The following THSD7B variants were observed in gnomAD, a reference collection of about 807,000 sequenced individuals.
THSD7B encodes the protein thrombospondin type 1 domain containing 7B.
Under a neutral mutation model 213.6 loss-of-function variants are expected in THSD7B, and 138 were observed. The observed-to-expected ratio is 0.65, with a 90% CI of 0.56 to 0.74. The LOEUF (loss-of-function observed/expected upper bound fraction) is 0.74. THSD7B is among the 30% of genes least tolerant of loss of function. The pLI is 0.00. For missense variants in THSD7B, 1,931 were observed against 1,991.5 expected, an observed-to-expected ratio of 0.97 and a Z score of 0.58; for synonymous variants, 742 against 687.0, an observed-to-expected ratio of 1.08 and a Z score of -1.25.
At chr2:137,483,439 T>A (rs1453581336) in intron 15 of THSD7B, among the ~76,000 whole-genome samples, 1 of 152,242 alleles carries the variant, frequency 6.6e-6, no homozygotes, top group Non-Finnish European at 1.5e-5. Context: ...CAGAAGCTAC[T>A]AATTCCACAT....
intron 1 of THSD7B, among the ~76,000 whole-genome samples, chr2:136,850,087 A>C (rs1374389460): frequency 6.6e-6 from 1 of 152,000 alleles, no homozygotes; most frequent in Non-Finnish European, 1.5e-5. Flanking sequence ...TGACATTTTT[A>C]AACATACCTC....
chr2:137,080,044 G>A (rs146584458), intron 3 of THSD7B, among the ~76,000 whole-genome samples: 8 of 152,240 alleles, frequency 5.3e-5, no homozygotes, highest in Non-Finnish European at 1.0e-4. Flanking sequence ...GTTTCACCAT[G>A]TTGGCCAGGC....
chr2:137,130,341 T>C (rs891689000), intron 5 of THSD7B, among the ~76,000 whole-genome samples: 1 of 152,160 alleles, frequency 6.6e-6, no homozygotes, highest in Non-Finnish European at 1.5e-5. Context: ...ATCTCCATAG[T>C]TACTAAAATC....
At chr2:137,592,735 G>A (rs1681888627) in intron 17 of THSD7B, among the ~76,000 whole-genome samples, 1 of 151,822 alleles carries the variant, frequency 6.6e-6, no homozygotes, top group South Asian at 2.1e-4. Context: ...ATGTGAAAAT[G>A]CATAGATCTC....
chr2:136,921,280 C>G, intron 2 of THSD7B, among the ~76,000 whole-genome samples: 1 of 150,780 alleles, frequency 6.6e-6, no homozygotes, highest in Admixed American at 6.6e-5. Context: ...TGTAAGCCTA[C>G]TTCTGCTTAG....
intron 13 of THSD7B, among the ~76,000 whole-genome samples, chr2:137,408,510 G>GAT (rs900708860): frequency 6.6e-6 from 1 of 152,180 alleles, no homozygotes; most frequent in Non-Finnish European, 1.5e-5. Context: ...TTTTACTGGA[G>GAT]ATAATTACAG....
chr2:137,468,894 G>A (rs1206038783), intron 15 of THSD7B, among the ~76,000 whole-genome samples: 1 of 152,074 alleles, frequency 6.6e-6, no homozygotes, highest in African/African-American at 2.4e-5. Flanking sequence ...GTTTGATTCA[G>A]TCCTTTTAAT....
chr2:137,564,678 AAAAG>A (rs1296364719), intron 16 of THSD7B, among the ~76,000 whole-genome samples: 1 of 152,178 alleles, frequency 6.6e-6, no homozygotes, highest in East Asian at 1.9e-4. Flanking sequence ...TCTCAGGAGA[AAAAG>A]AAAAGCTTTA....
intron 15 of THSD7B, among the ~76,000 whole-genome samples, chr2:137,488,297 C>A (rs1322515887): frequency 6.6e-6 from 1 of 152,000 alleles, no homozygotes; most frequent in Non-Finnish European, 1.5e-5. Flanking sequence ...TATGTATATG[C>A]ACACACATAT....
At chr2:136,808,062 G>GT (rs1187570732) in intron 1 of THSD7B, among the ~76,000 whole-genome samples, 2 of 152,148 alleles carry the variant, frequency 1.3e-5, no homozygotes, top group Non-Finnish European at 2.9e-5. Flanking sequence ...GTTACCTTGT[G>GT]TTTTATTCTT....
chr2:137,293,284 G>A (rs1573939410), intron 12 of THSD7B, among the ~76,000 whole-genome samples: 2 of 151,908 alleles, frequency 1.3e-5, no homozygotes, highest in Non-Finnish European at 1.5e-5. Context: ...GATGACAGGT[G>A]CGTGCCACCA....
At chr2:136,781,212 T>C (rs2104906319) in intron 1 of THSD7B, among the ~76,000 whole-genome samples, 1 of 152,050 alleles carries the variant, frequency 6.6e-6, no homozygotes, top group Admixed American at 6.5e-5. Flanking sequence ...ACAAATTAAT[T>C]TGTATTTTAT....
intron 12 of THSD7B, among the ~76,000 whole-genome samples, chr2:137,315,429 C>T (rs1264004775): frequency 6.6e-6 from 1 of 152,104 alleles, no homozygotes; most frequent in Non-Finnish European, 1.5e-5. Context: ...GTGAGATGAA[C>T]CCGATACCTC....
intron 10 of THSD7B, among the ~76,000 whole-genome samples, chr2:137,256,904 C>A (rs1277954195): frequency 6.6e-6 from 1 of 152,072 alleles, no homozygotes; most frequent in Non-Finnish European, 1.5e-5. Context: ...AAATTTATTT[C>A]TTACAGTTCT....
intron 2 of THSD7B, among the ~76,000 whole-genome samples, chr2:137,021,903 G>T (rs968319631): frequency 1.3e-5 from 2 of 152,174 alleles, no homozygotes; most frequent in African/African-American, 2.4e-5. Flanking sequence ...GATCTGGGTT[G>T]TAATTATCAC....
In THSD7B at chr2:136,885,305, C is replaced by T. The variant is rs148642080; in HGVS notation, c.139+2988C>T. ...TAGTCAACCTCATCCAAATTACAGGCATTTCTAAGTGAGTCCTGGCTTTGG... is the reference window on the plus strand; with the variant it reads ...TAGTCAACCTCATCCAAATTACAGGTATTTCTAAGTGAGTCCTGGCTTTGG... On this transcript the variant is annotated intron_variant, in intron 2 of 27. Transcript: ENST00000409968. 7.1e-3 allele frequency among the ~76,000 whole-genome samples: 1,077 copies of T among 151,498 alleles called. 9 individuals carry two copies. The highest frequency in any genetic ancestry group is 7.8e-3 in the Non-Finnish European group (531 of 67,910).
intron 12 of THSD7B, among the ~76,000 whole-genome samples, chr2:137,353,011 TG>T (rs1017838103): frequency 1.3e-5 from 2 of 151,988 alleles, no homozygotes; most frequent in African/African-American, 4.8e-5. Flanking sequence ...TGGAGTTTCC[TG>T]GAAGATAGTA....
At chr2:137,569,647 A>C (rs1323475432) in intron 16 of THSD7B, among the ~76,000 whole-genome samples, 1 of 151,700 alleles carries the variant, frequency 6.6e-6, no homozygotes, top group African/African-American at 2.4e-5. Flanking sequence ...TTGTAAATTG[A>C]GTTATTTTTG....
At chr2:136,889,540 G>A (rs1385258029) in intron 2 of THSD7B, among the ~76,000 whole-genome samples, 1 of 152,218 alleles carries the variant, frequency 6.6e-6, no homozygotes, top group Non-Finnish European at 1.5e-5. Context: ...CCGCTGCTGA[G>A]CCAAGCAGTG....
Sources: allele counts gnomAD v4.1 joint callset (sites outside exome capture counted in the v4.1 genomes callset), GRCh38; gene constraint gnomAD v4.1.1; transcripts MANE v1.5; gene names NCBI Gene and HGNC (gene_info 2026-07-23, HGNC 2026-07-21).